The following CSNK1G2 variants were observed in gnomAD, a reference collection of about 807,000 sequenced individuals.
CSNK1G2 encodes casein kinase I isoform gamma-2.
CSNK1G2 carries 11 observed loss-of-function variants against 48.0 expected under a neutral mutation model. The ratio of observed to expected loss-of-function variants is 0.23; its 90% CI spans 0.14 to 0.38. The LOEUF is 0.38. Ranked by LOEUF, CSNK1G2 falls within the 10% of genes least tolerant of loss-of-function variation. The probability of loss-of-function intolerance (pLI) is 1.00; values close to 1 mark genes in which losing one functional copy is unlikely to be tolerated. For synonymous variants in CSNK1G2, 337 were observed against 254.1 expected (o/e 1.33, Z -3.10); for missense variants, 446 against 595.5 (o/e 0.75, Z 2.61).
intron 1 of CSNK1G2, chr19:1,953,556 C>A: frequency 2.0e-6 from 1 of 510,306 alleles, no homozygotes; most frequent in Non-Finnish European, 4.0e-6. Flanking sequence ...AGGGACAGTG[C>A]CCTCCGCCAA....
chr19:1,961,483 C>T (rs1349854975), intron 1 of CSNK1G2, among the ~76,000 whole-genome samples: 1 of 152,254 alleles, frequency 6.6e-6, no homozygotes, highest in Non-Finnish European at 1.5e-5. Flanking sequence ...CTGTCCGTTT[C>T]TCCAGAAGGC....
intron 2 of CSNK1G2, among the ~76,000 whole-genome samples, chr19:1,973,137 C>T (rs2015631227): frequency 6.6e-6 from 1 of 150,830 alleles, no homozygotes; most frequent in Admixed American, 6.6e-5. Context: ...CCGTGTTAGC[C>T]AGGATGGTCT....
intron 1 of CSNK1G2, among the ~76,000 whole-genome samples, chr19:1,955,598 A>G (rs570053455): frequency 1.5e-3 from 218 of 149,080 alleles, no homozygotes; most frequent in Admixed American, 2.6e-3. Context: ...TTCTCCGTCC[A>G]TGTCAGGCTT....
intron 2 of CSNK1G2, among the ~76,000 whole-genome samples, chr19:1,974,314 G>A (rs1241271709): frequency 6.6e-6 from 1 of 152,180 alleles, no homozygotes; most frequent in Non-Finnish European, 1.5e-5. Flanking sequence ...CATGGTGGAA[G>A]GCAGGACGGC....
intron 1 of CSNK1G2, among the ~76,000 whole-genome samples, chr19:1,965,510 T>C (rs2015339714): frequency 6.6e-6 from 1 of 152,128 alleles, no homozygotes; most frequent in Non-Finnish European, 1.5e-5. Flanking sequence ...TTCATTCATT[T>C]ATTTATGCAT....
intron 1 of CSNK1G2, among the ~76,000 whole-genome samples, chr19:1,960,935 G>A (rs2015177544): frequency 6.6e-6 from 1 of 152,226 alleles, no homozygotes; most frequent in Non-Finnish European, 1.5e-5. Context: ...CCCTCTTCCT[G>A]TGGATGCTGA....
At chr19:1,955,464 C>T (rs1399337689) in intron 1 of CSNK1G2, among the ~76,000 whole-genome samples, 1 of 145,170 alleles carries the variant, frequency 6.9e-6, no homozygotes. Flanking sequence ...GTCAGCGCCC[C>T]CCACTGAGGC....
chr19:1,949,369 C>T (rs2014682308), intron 1 of CSNK1G2, among the ~76,000 whole-genome samples: 1 of 152,162 alleles, frequency 6.6e-6, no homozygotes, highest in South Asian at 2.1e-4. Context: ...CTGAGGGCTC[C>T]AGGGACCTCC....
Position 1,941,200 on chromosome 19 carries a change from C to T in CSNK1G2, c.-484C>T, listed in dbSNP as rs2014342622. On this transcript the variant is annotated 5_prime_UTR_variant, in exon 1 of 12. Coordinates refer to ENST00000255641, the MANE Select transcript of CSNK1G2 (RefSeq NM_001319.7). Reference sequence around the variant, plus strand: ...CGCTGGCGGCGTAAGGCGCGCGGGCCCCGGAGCGGGCGCGGCGGAGCGCGG... The same window carrying T: ...CGCTGGCGGCGTAAGGCGCGCGGGCTCCGGAGCGGGCGCGGCGGAGCGCGG... 6.8e-6 allele frequency: 1 copy of T among 146,104 alleles called. No homozygotes were observed. The highest frequency in any genetic ancestry group is 1.5e-5 in the Non-Finnish European group (1 of 65,778). 9.1% of individuals were successfully genotyped at this position (146,104 alleles called of 1,614,324 possible). A position where few individuals can be genotyped will look rare whatever the true frequency, so the allele number is the denominator to read the frequency against.
intron 1 of CSNK1G2, among the ~76,000 whole-genome samples, chr19:1,943,315 A>G (rs1377915586): frequency 6.6e-6 from 1 of 152,048 alleles, no homozygotes. Flanking sequence ...TCTGAAGAGG[A>G]TGAGGGAGCA....
intron 1 of CSNK1G2, among the ~76,000 whole-genome samples, chr19:1,948,822 G>T (rs902694425): frequency 6.6e-6 from 1 of 152,212 alleles, no homozygotes; most frequent in Non-Finnish European, 1.5e-5. Context: ...CAGAGGCCTC[G>T]GGAGGACACG....
At chr19:1,949,843 C>G (rs982553253) in intron 1 of CSNK1G2, among the ~76,000 whole-genome samples, 1 of 152,266 alleles carries the variant, frequency 6.6e-6, no homozygotes, top group Non-Finnish European at 1.5e-5. Context: ...AGGGACCCTG[C>G]TGTCCTGATC....
chr19:1,975,592 G>C, intron 2 of CSNK1G2: 1 of 985,466 alleles, frequency 1.0e-6, no homozygotes, highest in Non-Finnish European at 1.2e-6. Context: ...CTTTTGGGCG[G>C]GGAAGGGGGG....
At chr19:1,972,200 C>T (rs1261564514) in intron 2 of CSNK1G2, among the ~76,000 whole-genome samples, 3 of 152,218 alleles carry the variant, frequency 2.0e-5, no homozygotes, top group Non-Finnish European at 4.4e-5. Context: ...TCGGAGGACA[C>T]ACCAGCCCTT....
intron 1 of CSNK1G2, among the ~76,000 whole-genome samples, chr19:1,952,098 C>T (rs1322235855): frequency 6.6e-6 from 1 of 152,190 alleles, no homozygotes; most frequent in Non-Finnish European, 1.5e-5. Flanking sequence ...GGGGCTAGGA[C>T]TTGGCATGTC....
chr19:1,980,370 G>C lies in CSNK1G2; in HGVS notation c.*167G>C. ...CTGGCTCAGGCGGCCCCACCCCCGG[G>C]ACGTGGGGTCACTTCCTTCATGTAA... is the stretch of plus-strand genomic sequence containing the variant. On this transcript the variant is annotated 3_prime_UTR_variant, in exon 12 of 12. Transcript: ENST00000255641. The C allele has an allele frequency of 1.3e-6, 1 of 780,936 alleles. No individual in the cohort carries two copies. Among genetic ancestry groups the C allele is most frequent in the South Asian group, 1.5e-5 (1 of 65,136 alleles). 48.4% of individuals were successfully genotyped at this position (780,936 alleles called of 1,614,324 possible). A position where few individuals can be genotyped will look rare whatever the true frequency, so the allele number is the denominator to read the frequency against.
intron 2 of CSNK1G2, among the ~76,000 whole-genome samples, chr19:1,972,395 T>TC (rs34619276): frequency 0.14 from 21,492 of 152,200 alleles, 2,165 homozygotes; most frequent in African/African-American, 0.28. Context: ...TGAATGTTGT[T>TC]CCGTTGTCTA....
At chr19:1,947,089 G>T (rs111876010) in intron 1 of CSNK1G2, among the ~76,000 whole-genome samples, 1,896 of 152,294 alleles carry the variant, frequency 0.012, 35 homozygotes, top group African/African-American at 0.044. Context: ...AATCTTAGAG[G>T]TTTTTTTATT....
chr19:1,962,145 G>A (rs1027970695), intron 1 of CSNK1G2, among the ~76,000 whole-genome samples: 3 of 151,904 alleles, frequency 2.0e-5, no homozygotes, highest in Non-Finnish European at 4.4e-5. Context: ...TCCTGGCCAA[G>A]ATGGTGAAAC....
Sources: allele counts gnomAD v4.1 joint callset (sites outside exome capture counted in the v4.1 genomes callset), GRCh38; gene constraint gnomAD v4.1.1; transcripts MANE v1.5; gene names NCBI Gene and HGNC (gene_info 2026-07-23, HGNC 2026-07-21).